Variants in AP2B1 observed in about 807,000 individuals in gnomAD.
AP2B1 encodes adaptor related protein complex 2 subunit beta 1.
AP2B1 carries 23 observed loss-of-function variants against 102.0 expected under a neutral mutation model. That is an observed-to-expected ratio of 0.23 (90% confidence interval 0.16 to 0.32). The LOEUF (loss-of-function observed/expected upper bound fraction) is 0.32, where lower values mean the gene tolerates loss of function less well. Ranked by LOEUF, AP2B1 falls within the 10% of genes least tolerant of loss-of-function variation. The pLI is 1.00. For synonymous variants in AP2B1, 381 were observed against 421.2 expected (o/e 0.90, Z 1.17); for missense variants, 541 against 1,157.4 (o/e 0.47, Z 7.73).
At chr17:35,612,481 C>T (rs972871086) in intron 5 of AP2B1, among the ~76,000 whole-genome samples, 6 of 152,174 alleles carry the variant, frequency 3.9e-5, no homozygotes, top group Admixed American at 3.3e-4. Context: ...TACTTTTCAT[C>T]TCAACTGTAT....
At chr17:35,591,276 A>G (rs2073090612) in intron 1 of AP2B1, among the ~76,000 whole-genome samples, 1 of 151,652 alleles carries the variant, frequency 6.6e-6, no homozygotes, top group African/African-American at 2.4e-5. Flanking sequence ...GCTTGAGCCC[A>G]GAAGGCAGAT....
chr17:35,714,918 C>T (rs1472522168), intron 20 of AP2B1, among the ~76,000 whole-genome samples: 4 of 152,048 alleles, frequency 2.6e-5, no homozygotes, highest in Non-Finnish European at 5.9e-5. Flanking sequence ...GTCCTGTTTC[C>T]CAGAAGGTCA....
chr17:35,671,568 CAAT>C (rs1166371716), intron 15 of AP2B1, among the ~76,000 whole-genome samples, 183 bp from the exon 16 acceptor site: 1 of 152,006 alleles, frequency 6.6e-6, no homozygotes, highest in African/African-American at 2.4e-5. Context: ...GTGTTCTTAT[CAAT>C]GACGAAAAAA....
chr17:35,723,226 C>G (rs185252305), intron 21 of AP2B1, among the ~76,000 whole-genome samples: 1 of 152,330 alleles, frequency 6.6e-6, no homozygotes, highest in East Asian at 1.9e-4. Flanking sequence ...ATCCTCTTGT[C>G]AGACTGAGAA....
intron 14 of AP2B1, among the ~76,000 whole-genome samples, chr17:35,664,598 A>G (rs2075423675): frequency 6.6e-6 from 1 of 152,080 alleles, no homozygotes; most frequent in Non-Finnish European, 1.5e-5. Flanking sequence ...AGCCATATAT[A>G]TATTACTGCC....
intron 11 of AP2B1, among the ~76,000 whole-genome samples, chr17:35,641,031 A>T (rs1239700638): frequency 1.3e-5 from 2 of 152,244 alleles, no homozygotes; most frequent in East Asian, 3.8e-4. Flanking sequence ...ATAGAAAATA[A>T]TGTATGTAAT....
chr17:35,610,768 G>A (rs1466992343), intron 5 of AP2B1, among the ~76,000 whole-genome samples: 2 of 152,030 alleles, frequency 1.3e-5, no homozygotes, highest in Admixed American at 1.3e-4. Flanking sequence ...TTAGCCGGGC[G>A]TGGTGGCAGG....
intron 5 of AP2B1, among the ~76,000 whole-genome samples, chr17:35,619,922 T>C (rs1307056430): frequency 1.3e-5 from 2 of 152,042 alleles, no homozygotes. Context: ...GTAGCTGGGA[T>C]TACAGGTATG....
At chr17:35,685,812 G>A (rs1056672387) in intron 18 of AP2B1, among the ~76,000 whole-genome samples, 4 of 151,374 alleles carry the variant, frequency 2.6e-5, no homozygotes, top group African/African-American at 4.9e-5. Context: ...ACCCAGGCTC[G>A]AGTGCAATGG....
At chr17:35,707,697 C>A (rs587639234) in intron 18 of AP2B1, among the ~76,000 whole-genome samples, 34 of 152,308 alleles carry the variant, frequency 2.2e-4, no homozygotes, top group Admixed American at 2.2e-3. Context: ...AAGTGGTCTG[C>A]CTGCCTCATC....
chr17:35,679,154 C>T (rs1252641801), intron 17 of AP2B1, among the ~76,000 whole-genome samples: 1 of 152,142 alleles, frequency 6.6e-6, no homozygotes, highest in African/African-American at 2.4e-5. Flanking sequence ...GAAAAGGAAG[C>T]TAGGCGGGTA....
At chr17:35,672,016 TG>T in intron 16 of AP2B1, 116 bp downstream of exon 16, 2 of 1,205,134 alleles carry the variant, frequency 1.7e-6, no homozygotes, top group African/African-American at 1.5e-5. Flanking sequence ...GCCCTTGTTC[TG>T]GAGGACTTAG....
At chr17:35,696,024 G>T (rs182540119) in intron 18 of AP2B1, among the ~76,000 whole-genome samples, 1 of 152,236 alleles carries the variant, frequency 6.6e-6, no homozygotes, top group Non-Finnish European at 1.5e-5. Flanking sequence ...GGAAGAGCTT[G>T]CATTAACAGT....
At chr17:35,684,188 GGAGA>G (rs1396066368) in intron 18 of AP2B1, among the ~76,000 whole-genome samples, 3 of 152,100 alleles carry the variant, frequency 2.0e-5, no homozygotes, top group Non-Finnish European at 2.9e-5. Flanking sequence ...CAATTTAACA[GGAGA>G]GAGAGAGAAA....
At chr17:35,620,155 C>G in intron 5 of AP2B1, among the ~76,000 whole-genome samples, 1 of 152,076 alleles carries the variant, frequency 6.6e-6, no homozygotes, top group East Asian at 1.9e-4. Context: ...TATAAATCAA[C>G]TTGTGCTGAG....
chr17:35,684,557 G>A (rs2075891563), intron 18 of AP2B1, among the ~76,000 whole-genome samples: 1 of 152,080 alleles, frequency 6.6e-6, no homozygotes, highest in South Asian at 2.1e-4. Flanking sequence ...TTCAGCAAAG[G>A]GAATAATGAT....
Position 35,724,864 on chromosome 17 carries a change from TG to T in AP2B1, c.*1167del, listed in dbSNP as rs1393541927. ...ATATTGATTTTGACGCTCTGTATATTGGCATCAGGTGGCAGCTGAATATCTT... is the reference window on the plus strand; with the variant it reads ...ATATTGATTTTGACGCTCTGTATATTGCATCAGGTGGCAGCTGAATATCTT... On this transcript the variant is annotated 3_prime_UTR_variant, in exon 22 of 22. Coordinates refer to ENST00000610402, the MANE Select transcript of AP2B1 (RefSeq NM_001030006.2). 6.6e-6 allele frequency: 1 copy of T among 152,204 alleles called. No homozygotes were observed. Among genetic ancestry groups the T allele is most frequent in the Non-Finnish European group, 1.5e-5 (1 of 68,040 alleles). The allele number at this position is 152,204 out of a possible 1,614,324, so 9.4% of individuals were successfully genotyped here.
intron 5 of AP2B1, among the ~76,000 whole-genome samples, chr17:35,611,210 T>C (rs1311407892): frequency 6.6e-6 from 1 of 152,218 alleles, no homozygotes. Flanking sequence ...ATTCTCTACC[T>C]GAGGACAGAT....
intron 20 of AP2B1, among the ~76,000 whole-genome samples, chr17:35,714,480 C>A (rs1055724110): frequency 2.6e-5 from 4 of 152,102 alleles, no homozygotes; most frequent in African/African-American, 9.7e-5. Context: ...AAGATCACAT[C>A]GACACCTTCT....
Sources: allele counts gnomAD v4.1 joint callset (sites outside exome capture counted in the v4.1 genomes callset), GRCh38; gene constraint gnomAD v4.1.1; transcripts MANE v1.5; gene names NCBI Gene and HGNC (gene_info 2026-07-23, HGNC 2026-07-21).